WDR27: variants seen among roughly 807,000 people sequenced by gnomAD.
WDR27 encodes WD repeat-containing protein 27.
WDR27 carries 100 observed loss-of-function variants against 114.4 expected under a neutral mutation model. The ratio of observed to expected loss-of-function variants is 0.87; its 90% confidence interval spans 0.74 to 1.03. The LOEUF (loss-of-function observed/expected upper bound fraction) is 1.03. Among genes scored for constraint, WDR27 ranks in the 50% least tolerant of loss-of-function variants. The pLI, the probability that WDR27 is intolerant of heterozygous loss-of-function variation, is 0.00. For synonymous variants in WDR27, 449 were observed against 423.1 expected (o/e 1.06, Z -0.75); for missense variants, 1,129 against 1,092.9 (o/e 1.03, Z -0.47).
intron 17 of WDR27, among the ~76,000 whole-genome samples, chr6:169,641,859 C>T (rs1329380832): frequency 1.3e-5 from 2 of 152,278 alleles, no homozygotes; most frequent in African/African-American, 4.8e-5. Context: ...TGACGCAGCT[C>T]TCCCGCGCAG....
intron 8 of WDR27, among the ~76,000 whole-genome samples, chr6:169,663,341 G>A (rs77004024): frequency 0.074 from 11,307 of 152,004 alleles, 502 homozygotes; most frequent in East Asian, 0.097. Context: ...AAAAGAAATA[G>A]TTTAAAGTCA....
At chr6:169,610,483 T>C (rs1810271044) in intron 22 of WDR27, among the ~76,000 whole-genome samples, 1 of 152,266 alleles carries the variant, frequency 6.6e-6, no homozygotes, top group East Asian at 1.9e-4. Context: ...CAGAAACCCC[T>C]GACAAAACCA....
At chr6:169,539,515 T>TA (rs1056638354) in intron 25 of WDR27, among the ~76,000 whole-genome samples, 108 of 151,810 alleles carry the variant, frequency 7.1e-4, no homozygotes, top group African/African-American at 9.7e-4. Flanking sequence ...ATCCCTTACT[T>TA]AAAAAAAACA....
chr6:169,590,379 T>C (rs74788843), intron 23 of WDR27, among the ~76,000 whole-genome samples: 6,917 of 152,312 alleles, frequency 0.045, 437 homozygotes, highest in African/African-American at 0.14. Flanking sequence ...ATTCCAGAAA[T>C]GATATTTTCT....
intron 25 of WDR27, among the ~76,000 whole-genome samples, chr6:169,482,751 T>A (rs1788357256): frequency 2.0e-5 from 3 of 152,154 alleles, no homozygotes; most frequent in Admixed American, 2.0e-4. Flanking sequence ...CATCACCACA[T>A]GTCACATACT....
chr6:169,535,610 A>G (rs1040345920), intron 25 of WDR27, among the ~76,000 whole-genome samples: 2 of 152,216 alleles, frequency 1.3e-5, no homozygotes, highest in Admixed American at 6.5e-5. Context: ...AGGGCTTACT[A>G]ACTGTTGCCC....
intron 24 of WDR27, among the ~76,000 whole-genome samples, chr6:169,577,484 C>G (rs9396976): frequency 0.89 from 135,903 of 152,212 alleles, 60,933 homozygotes; most frequent in Admixed American, 0.95. Flanking sequence ...GTAACCACAG[C>G]GGGCAGGATA....
chr6:169,632,358 A>G (rs1400560574), intron 21 of WDR27, among the ~76,000 whole-genome samples: 1 of 152,206 alleles, frequency 6.6e-6, no homozygotes, highest in Non-Finnish European at 1.5e-5. Context: ...CTTTCCAGGC[A>G]TATCAACAAC....
At chr6:169,508,741 A>G (rs545484241) in intron 25 of WDR27, among the ~76,000 whole-genome samples, 1 of 152,386 alleles carries the variant, frequency 6.6e-6, no homozygotes, top group South Asian at 2.1e-4. Context: ...ACTTGTGGAA[A>G]TGTAAAGTGT....
chr6:169,654,720 A>C (rs1823562910), intron 13 of WDR27, among the ~76,000 whole-genome samples: 1 of 127,748 alleles, frequency 7.8e-6, no homozygotes, highest in African/African-American at 3.1e-5. Flanking sequence ...GCACAGGAGA[A>C]GGAGGCGCGC....
chr6:169,665,619 CT>C, intron 6 of WDR27, 63 bp from the exon 7 acceptor site: 1 of 1,487,474 alleles, frequency 6.7e-7, no homozygotes, highest in African/African-American at 1.4e-5. Flanking sequence ...AACCCGAGAA[CT>C]GTCAGTTTTA....
intron 25 of WDR27, among the ~76,000 whole-genome samples, chr6:169,544,339 T>TA (rs35741048): frequency 0.032 from 4,783 of 150,118 alleles, 258 homozygotes; most frequent in African/African-American, 0.11. Context: ...AGAAATTTAT[T>TA]AAAAAAAAAC....
At chr6:169,477,999 T>C (rs1215374078) in intron 25 of WDR27, among the ~76,000 whole-genome samples, 1 of 152,136 alleles carries the variant, frequency 6.6e-6, no homozygotes, top group Admixed American at 6.6e-5. Context: ...ATCTTAAAAG[T>C]ACTATGTTCA....
chr6:169,437,586 T>C, the WDR27 span, among the ~76,000 whole-genome samples: 1 of 152,308 alleles, frequency 6.6e-6, no homozygotes, highest in East Asian at 1.9e-4. Context: ...GTGGCTAGGC[T>C]TTATATGCAA....
chr6:169,615,678 G>A (rs2473442), intron 21 of WDR27, among the ~76,000 whole-genome samples: 143,049 of 152,288 alleles, frequency 0.94, 67,259 homozygotes, highest in East Asian at 0.99. Context: ...TATAAAAACC[G>A]TGGAAGATAA....
At chr6:169,440,346 T>C in the WDR27 span, among the ~76,000 whole-genome samples, 1 of 152,212 alleles carries the variant, frequency 6.6e-6, no homozygotes, top group Non-Finnish European at 1.5e-5. Context: ...GAAATAGTTA[T>C]TTCCTAACGC....
chr6:169,450,410 T>C, the WDR27 span, among the ~76,000 whole-genome samples: 7 of 152,328 alleles, frequency 4.6e-5, no homozygotes, highest in Admixed American at 3.3e-4. Context: ...TACTGTTGAA[T>C]GAGTAAATGA....
chr6:169,477,433 T>C (rs576240255), intron 25 of WDR27, among the ~76,000 whole-genome samples: 25 of 152,184 alleles, frequency 1.6e-4, no homozygotes, highest in African/African-American at 5.5e-4. Flanking sequence ...AGTTTCTTAA[T>C]TTTTTTTAAT....
At chr6:169,531,952 A>C (rs1231016461) in intron 25 of WDR27, among the ~76,000 whole-genome samples, 1 of 152,192 alleles carries the variant, frequency 6.6e-6, no homozygotes, top group Non-Finnish European at 1.5e-5. Flanking sequence ...GTGATGTGTT[A>C]ATTACTACTC....
Sources: gnomAD v4.1 joint callset for allele counts (sites outside exome capture counted in the v4.1 genomes callset) on GRCh38, gnomAD v4.1.1 for gene constraint, MANE v1.5 for transcripts, NCBI Gene and HGNC (gene_info 2026-07-23, HGNC 2026-07-21) for gene names.